Variants in SMYD3 observed in about 807,000 individuals in gnomAD.
The protein encoded by SMYD3 is SET and MYND domain containing 3.
SMYD3 carries 36 observed loss-of-function variants against 57.7 expected under a neutral mutation model. That is an observed-to-expected ratio of 0.62 (90% CI 0.48 to 0.82). SMYD3 has a LOEUF of 0.82. Among genes scored for constraint, SMYD3 ranks in the 40% least tolerant of loss-of-function variants. The probability of loss-of-function intolerance (pLI) is 0.00; values close to 1 mark genes in which losing one functional copy is unlikely to be tolerated. For missense variants in SMYD3, 515 were observed against 538.8 expected (o/e 0.96, Z 0.44); for synonymous variants, 211 against 195.0 (o/e 1.08, Z -0.68).
intron 1 of SMYD3, among the ~76,000 whole-genome samples, chr1:246,441,299 C>T (rs547448655): frequency 6.5e-4 from 99 of 152,242 alleles, no homozygotes; most frequent in African/African-American, 2.2e-3. Context: ...GGTCATTTCA[C>T]CTATGGAGTA....
chr1:246,039,557 A>G (rs1430574398), intron 5 of SMYD3, among the ~76,000 whole-genome samples: 1 of 152,210 alleles, frequency 6.6e-6, no homozygotes, highest in Non-Finnish European at 1.5e-5. Flanking sequence ...CCTCAAACTG[A>G]TACTACAAAC....
At chr1:245,754,377 A>G (rs73130742) in intron 11 of SMYD3, among the ~76,000 whole-genome samples, 2,082 of 152,232 alleles carry the variant, frequency 0.014, 50 homozygotes, top group African/African-American at 0.048. Flanking sequence ...TCAGAGGGAA[A>G]AGAAATGTAT....
chr1:246,218,405 C>T (rs574250366), intron 5 of SMYD3, among the ~76,000 whole-genome samples: 3 of 152,124 alleles, frequency 2.0e-5, no homozygotes, highest in Non-Finnish European at 4.4e-5. Context: ...AGGCGGATCA[C>T]GAGGTCAGGA....
At chr1:245,862,678 C>T (rs1279125000) in intron 9 of SMYD3, among the ~76,000 whole-genome samples, 2 of 152,156 alleles carry the variant, frequency 1.3e-5, no homozygotes, top group Non-Finnish European at 2.9e-5. Flanking sequence ...AATCATGTAA[C>T]ATCATTTTTT....
chr1:246,291,398 G>A (rs958607569), intron 5 of SMYD3, among the ~76,000 whole-genome samples: 16 of 152,158 alleles, frequency 1.1e-4, no homozygotes, highest in Non-Finnish European at 7.3e-5. Flanking sequence ...TGGAGACCAC[G>A]AGGCACCTAA....
chr1:246,186,830 C>T (rs1230789870), intron 5 of SMYD3: 2 of 985,378 alleles, frequency 2.0e-6, no homozygotes, highest in East Asian at 2.3e-4. Flanking sequence ...TCTTCTGCTT[C>T]CCAGTCTCAC....
chr1:246,040,200 T>C (rs1383852859), intron 5 of SMYD3, among the ~76,000 whole-genome samples: 3 of 152,180 alleles, frequency 2.0e-5, no homozygotes, highest in African/African-American at 7.2e-5. Flanking sequence ...CTGTATTACA[T>C]ATACAACCGG....
chr1:245,806,648 C>G (rs925769843), intron 10 of SMYD3, among the ~76,000 whole-genome samples: 1 of 152,070 alleles, frequency 6.6e-6, no homozygotes, highest in Non-Finnish European at 1.5e-5. Flanking sequence ...CGGTGGCTCA[C>G]GCCTGTAATC....
intron 5 of SMYD3, among the ~76,000 whole-genome samples, chr1:246,043,039 T>G (rs1001513755): frequency 1.3e-5 from 2 of 152,114 alleles, no homozygotes; most frequent in Non-Finnish European, 2.9e-5. Flanking sequence ...GTCTCTTTTT[T>G]CAGCCATTGT....
chr1:245,763,598 G>A lies in SMYD3; in HGVS notation c.1185+443C>T, dbSNP rs544074280. The stretch of plus-strand genomic sequence containing the variant: ...GTGGGTGGAAAGGAAGAGAGGAAGG[G>A]CGGGGAGAAGTGGCTGCAAAGGTGA... On this transcript the variant is annotated intron_variant, in intron 11 of 11. Coordinates refer to ENST00000490107, the MANE Select transcript of SMYD3 (RefSeq NM_001167740.2). 2.6e-5 allele frequency among the ~76,000 whole-genome samples: 4 copies of A among 152,200 alleles called. No homozygotes were observed. In the South Asian group the frequency reaches 8.3e-4, roughly 32 times the overall value.
At chr1:245,977,683 C>CA (rs1290624075) in intron 5 of SMYD3, among the ~76,000 whole-genome samples, 2 of 151,894 alleles carry the variant, frequency 1.3e-5, no homozygotes, top group Non-Finnish European at 2.9e-5. Context: ...TCTCAGAAAA[C>CA]AAAAAACAAA....
Position 246,316,887 on chromosome 1 carries a change from C to T in SMYD3, c.531+10314G>A, listed in dbSNP as rs190376924. Among the ~76,000 whole-genome samples, 1,030 of 150,846 alleles carry T rather than the reference C, an allele frequency of 6.8e-3. 12 individuals are homozygous for T. Among genetic ancestry groups the T allele is most frequent in the African/African-American group, 0.023 (968 of 41,266 alleles). ...TGTGCGGCCTGTAGTCCCAGATACT[C>T]GGGAGGCTGAGGCAGGAGAATCGCT... On this transcript the variant is annotated intron_variant, in intron 5 of 11. Transcript: ENST00000490107.
chr1:246,281,206 C>T (rs1236344877), intron 5 of SMYD3, among the ~76,000 whole-genome samples: 3 of 152,180 alleles, frequency 2.0e-5, no homozygotes, highest in African/African-American at 7.2e-5. Flanking sequence ...GAAGTGGGGT[C>T]CCCATTCAGC....
intron 10 of SMYD3, among the ~76,000 whole-genome samples, chr1:245,818,517 A>C (rs1240869367): frequency 2.0e-5 from 3 of 152,176 alleles, no homozygotes; most frequent in Non-Finnish European, 4.4e-5. Flanking sequence ...TAACATCATA[A>C]TGACAGGATC....
At chr1:246,290,061 G>C (rs1021969917) in intron 5 of SMYD3, among the ~76,000 whole-genome samples, 6 of 152,136 alleles carry the variant, frequency 3.9e-5, no homozygotes, top group Admixed American at 1.3e-4. Context: ...ATACTTAAAG[G>C]AATCTTCAAA....
rs151025177 is a variant in SMYD3, at chr1:246,146,090, G to A, written c.531+181111C>T. Among the ~76,000 whole-genome samples, 280 of 152,230 alleles carry A rather than the reference G, an allele frequency of 1.8e-3. 3 individuals are homozygous for A. The highest frequency in any genetic ancestry group is 6.4e-3 in the African/African-American group (267 of 41,534). On this transcript the variant is annotated intron_variant, in intron 5 of 11. Transcript: ENST00000490107. Reference sequence around the variant, plus strand: ...AGGATATAATCGCAAGAAGGTAGAGGGTATCCCTGCCCTCAGGGAGCTTAC... The same window carrying A: ...AGGATATAATCGCAAGAAGGTAGAGAGTATCCCTGCCCTCAGGGAGCTTAC...
intron 1 of SMYD3, among the ~76,000 whole-genome samples, chr1:246,480,795 C>T (rs2068089627): frequency 6.7e-6 from 1 of 149,482 alleles, no homozygotes; most frequent in South Asian, 2.1e-4. Context: ...TTCAAAAGAT[C>T]TTTTTTTTTT....
intron 10 of SMYD3, among the ~76,000 whole-genome samples, chr1:245,804,917 G>A (rs925442542): frequency 6.6e-6 from 1 of 152,100 alleles, no homozygotes; most frequent in Non-Finnish European, 1.5e-5. Context: ...ATTTTGTTGT[G>A]GCAGCACAAA....
At chr1:246,446,556 C>T (rs1377967228) in intron 1 of SMYD3, among the ~76,000 whole-genome samples, 1 of 152,152 alleles carries the variant, frequency 6.6e-6, no homozygotes, top group Non-Finnish European at 1.5e-5. Context: ...TTTAATGTAG[C>T]TCTTTGAGCT....
Sources: gnomAD v4.1 joint callset for allele counts (sites outside exome capture counted in the v4.1 genomes callset) on GRCh38, gnomAD v4.1.1 for gene constraint, MANE v1.5 for transcripts, NCBI Gene and HGNC (gene_info 2026-07-23, HGNC 2026-07-21) for gene names.